FUBP3: variants seen among roughly 807,000 people sequenced by gnomAD.
FUBP3 encodes the protein far upstream element binding protein 3, also known as far upstream element-binding protein 3.
Under a neutral mutation model 85.6 loss-of-function variants are expected in FUBP3, and 28 were observed. The ratio of observed to expected loss-of-function variants is 0.33; its 90% CI spans 0.24 to 0.45. FUBP3 has a LOEUF of 0.45. Ranked by LOEUF, FUBP3 falls within the 20% of genes least tolerant of loss-of-function variation. FUBP3 has a pLI of 1.00. For missense variants in FUBP3, 583 were observed against 755.1 expected (o/e 0.77, Z 2.67); for synonymous variants, 271 against 271.4 (o/e 1.00, Z 0.01).
intron 3 of FUBP3, among the ~76,000 whole-genome samples, chr9:130,611,746 A>G (rs1032612391): frequency 6.6e-6 from 1 of 151,530 alleles, no homozygotes; most frequent in Non-Finnish European, 1.5e-5. Context: ...GACATTGTCC[A>G]CAATACACTT....
intron 12 of FUBP3, among the ~76,000 whole-genome samples, chr9:130,629,680 G>A (rs1237531636): frequency 6.6e-6 from 1 of 152,182 alleles, no homozygotes; most frequent in African/African-American, 2.4e-5. Context: ...TTTTGACTGT[G>A]GGCATGGAGG....
At chr9:130,632,357 G>A (rs890469356) in intron 16 of FUBP3, 79 bp downstream of exon 16, 19 of 1,088,624 alleles carry the variant, frequency 1.7e-5, no homozygotes, top group African/African-American at 9.2e-5. Flanking sequence ...AAACGCCCTC[G>A]TTCAACTCAG....
rs903000398 is a variant in FUBP3 at position 130,595,519 on chromosome 9, A to G, written c.121A>G (p.Asn41Asp). ...AKIDSIPHLN[N>D]STPLVDPSVY... ...AATTGATTCAATTCCTCACTTGAATAATTCCACACCTCTAGTGGACCCCTC... is the reference window on the plus strand; with the variant it reads ...AATTGATTCAATTCCTCACTTGAATGATTCCACACCTCTAGTGGACCCCTC... Residue 41 changes from asparagine (N) to aspartate (D), a missense_variant, in exon 2 of 19, where the codon AAT becomes GAT. Transcript: ENST00000319725. 4.4e-6 allele frequency: 7 copies of G among 1,592,222 alleles called. No homozygotes were observed. The highest frequency in any genetic ancestry group is 6.0e-6 in the Non-Finnish European group (7 of 1,160,174).
At chr9:130,631,062 C>A in intron 13 of FUBP3, 2 of 935,742 alleles carry the variant, frequency 2.1e-6, no homozygotes, top group South Asian at 4.8e-5. Context: ...CTTAGATGAG[C>A]GGCTGGGGCG....
intron 1 of FUBP3, among the ~76,000 whole-genome samples, chr9:130,589,707 T>TATA (rs1564191128): frequency 2.2e-3 from 121 of 55,064 alleles, no homozygotes; most frequent in South Asian, 5.7e-3. Flanking sequence ...ATATATATAT[T>TATA]TTTTTTTTTT....
At chr9:130,589,685 ATATATATATATATATATATATTT>A (rs1830509257) in intron 1 of FUBP3, among the ~76,000 whole-genome samples, 2 of 24,818 alleles carry the variant, frequency 8.1e-5, no homozygotes, top group African/African-American at 4.2e-4. Context: ...GTATATATAT[ATATATATATATATATATATATTT>A]TTTTTTTTTT....
intron 1 of FUBP3, among the ~76,000 whole-genome samples, chr9:130,589,697 ATATATATATT>A (rs1564190964): frequency 0.016 from 490 of 29,808 alleles, 3 homozygotes; most frequent in African/African-American, 0.075. Context: ...ATATATATAT[ATATATATATT>A]TTTTTTTTTT....
intron 2 of FUBP3, 50 bp from the exon 3 acceptor site, chr9:130,609,904 T>C: frequency 7.0e-7 from 1 of 1,427,928 alleles, no homozygotes; most frequent in Non-Finnish European, 9.8e-7. Flanking sequence ...TGAAGTTAGT[T>C]TATCCGTGCT....
chr9:130,584,853 A>C (rs576374882), intron 1 of FUBP3, among the ~76,000 whole-genome samples: 2 of 151,430 alleles, frequency 1.3e-5, no homozygotes, highest in African/African-American at 4.9e-5. Flanking sequence ...TGGGCAACAG[A>C]GCAAGCCTCC....
rs759728153 is a variant in FUBP3, at chr9:130,620,430, A to C, written c.743A>C (p.Asn248Thr). ...TTTCGGGGTGTACGCGGCGATTTCA[A>C]CTCTCGAATGGGAGGAGGCAGTATA... ...ADFRGVRGDF[N>T]SRMGGGSIEV... The change falls in exon 9 of 19, where the codon AAC becomes ACC. Residue 248 changes from asparagine (N) to threonine (T), a missense_variant. Around this residue, in one of 3 missense-constraint regions of FUBP3, gnomAD observed 404 missense variants for 516.8 expected, o/e 0.78. Transcript: ENST00000319725. 2 of 1,598,754 alleles carry C rather than the reference A, an allele frequency of 1.3e-6. No homozygotes were observed. Among genetic ancestry groups the C allele is most frequent in the African/African-American group, 1.3e-5 (1 of 74,516 alleles).
intron 2 of FUBP3, among the ~76,000 whole-genome samples, chr9:130,608,540 A>G (rs1361343260): frequency 3.9e-5 from 6 of 152,126 alleles, no homozygotes; most frequent in African/African-American, 1.4e-4. Context: ...TGACCTGGTG[A>G]TTGTCCAGTT....
chr9:130,602,839 C>A (rs1374694955), intron 2 of FUBP3, among the ~76,000 whole-genome samples: 1 of 152,128 alleles, frequency 6.6e-6, no homozygotes. Flanking sequence ...CAGCTCCTTA[C>A]CTCCTGTCTG....
intron 16 of FUBP3, among the ~76,000 whole-genome samples, chr9:130,634,416 G>T (rs1830336407): frequency 6.6e-6 from 1 of 152,228 alleles, no homozygotes; most frequent in Non-Finnish European, 1.5e-5. Flanking sequence ...TCAAGCTTGC[G>T]TCTCCATCTG....
Position 130,616,666 on chromosome 9 carries a change from C to A in FUBP3, c.567+149C>A. 2 of 717,236 alleles carry A rather than the reference C, an allele frequency of 2.8e-6. No individual in the cohort carries two copies. The highest frequency in any genetic ancestry group is 4.6e-6 in the Non-Finnish European group (2 of 432,236). The allele number at this position is 717,236 out of a possible 1,614,324, so 44.4% of individuals were successfully genotyped here. A position where few individuals can be genotyped will look rare whatever the true frequency, so the allele number is the denominator to read the frequency against. On this transcript the variant is annotated intron_variant, in intron 7 of 18. Coordinates refer to ENST00000319725, the MANE Select transcript of FUBP3 (RefSeq NM_003934.2). This position sits in a 1 kb window ranked among gnomAD's most constrained non-coding sequence, Gnocchi z 4.7. ...AGGCTTCCTTCCTCCATTTGACAGA[C>A]AGCTTCTGAACATACACCACGGCCA...
At chr9:130,588,874 A>T (rs1175681353) in intron 1 of FUBP3, among the ~76,000 whole-genome samples, 1 of 152,126 alleles carries the variant, frequency 6.6e-6, no homozygotes, top group Non-Finnish European at 1.5e-5. Context: ...GTTTCCTCCC[A>T]CTGTGGGGAG....
intron 1 of FUBP3, among the ~76,000 whole-genome samples, chr9:130,584,284 T>C (rs1830250821): frequency 6.6e-6 from 1 of 152,092 alleles, no homozygotes; most frequent in Admixed American, 6.5e-5. Context: ...TCCCAGCACT[T>C]TGGGAGGCCG....
At chr9:130,632,141 A>G in intron 15 of FUBP3, 61 bp from the exon 16 acceptor site, 1 of 1,490,110 alleles carries the variant, frequency 6.7e-7, no homozygotes, top group Non-Finnish European at 9.4e-7. Flanking sequence ...AGCAGTGAAG[A>G]GGGAGACGAC....
intron 2 of FUBP3, among the ~76,000 whole-genome samples, chr9:130,606,372 G>A (rs543883540): frequency 6.6e-6 from 1 of 152,066 alleles, no homozygotes; most frequent in Admixed American, 6.5e-5. Context: ...ATAAAAACTG[G>A]TATTCCTCTC....
intron 8 of FUBP3, among the ~76,000 whole-genome samples, chr9:130,618,529 C>A (rs1192163924): frequency 6.6e-6 from 1 of 152,244 alleles, no homozygotes; most frequent in Non-Finnish European, 1.5e-5. Context: ...TTTTCTATCC[C>A]CTGGGGTGGT....
Sources: allele counts gnomAD v4.1 joint callset (sites outside exome capture counted in the v4.1 genomes callset), GRCh38; gene constraint gnomAD v4.1.1; regional missense constraint gnomAD v4.1.1; non-coding constraint Gnocchi (gnomAD v3.1); transcripts MANE v1.5; gene names NCBI Gene and HGNC (gene_info 2026-07-23, HGNC 2026-07-21).